Variants in IMMP2L observed in about 807,000 individuals in gnomAD.
IMMP2L encodes the protein mitochondrial inner membrane protease subunit 2.
IMMP2L carries 18 observed loss-of-function variants against 19.3 expected under a neutral mutation model. The observed-to-expected ratio is 0.93, with a 90% confidence interval of 0.64 to 1.38. IMMP2L has a LOEUF of 1.38. Ranked by LOEUF, IMMP2L falls within the 40% of genes most tolerant of loss-of-function variation. The pLI, the probability that IMMP2L is intolerant of heterozygous loss-of-function variation, is 0.00. For synonymous variants in IMMP2L, 76 were observed against 73.0 expected, an observed-to-expected ratio of 1.04 and a Z score of -0.21; for missense variants, 233 against 218.2, an observed-to-expected ratio of 1.07 and a Z score of -0.43.
At chr7:111,067,957 A>G (rs1794650027) in intron 3 of IMMP2L, among the ~76,000 whole-genome samples, 1 of 152,226 alleles carries the variant, frequency 6.6e-6, no homozygotes, top group South Asian at 2.1e-4. Flanking sequence ...AAGATATAAA[A>G]TCCTTCAAAG....
intron 3 of IMMP2L, among the ~76,000 whole-genome samples, chr7:111,412,432 C>G (rs1472693592): frequency 6.6e-6 from 1 of 151,684 alleles, no homozygotes; most frequent in Non-Finnish European, 1.5e-5. Flanking sequence ...GGATTGAAAT[C>G]ACTCAAAGTA....
chr7:111,218,208 T>TAAACA (rs1812157304), intron 3 of IMMP2L, among the ~76,000 whole-genome samples: 4 of 152,052 alleles, frequency 2.6e-5, no homozygotes, highest in Non-Finnish European at 5.9e-5. Context: ...ATCTGCTCTG[T>TAAACA]TCTGAAGTTT....
chr7:110,808,526 T>G (rs925349100), intron 5 of IMMP2L, among the ~76,000 whole-genome samples: 3 of 152,050 alleles, frequency 2.0e-5, no homozygotes, highest in Non-Finnish European at 4.4e-5. Context: ...TGGCACAAGA[T>G]CCAAGCAACT....
At chr7:111,087,087 T>C (rs1230760946) in intron 3 of IMMP2L, among the ~76,000 whole-genome samples, 1 of 152,076 alleles carries the variant, frequency 6.6e-6, no homozygotes, top group Non-Finnish European at 1.5e-5. Flanking sequence ...TATTTAATAG[T>C]TTTGGGACAT....
intron 3 of IMMP2L, among the ~76,000 whole-genome samples, chr7:111,423,048 T>C (rs1835734157): frequency 2.0e-5 from 3 of 151,870 alleles, no homozygotes; most frequent in Admixed American, 1.3e-4. Context: ...TGAACCAGCC[T>C]TGCATCCCAG....
chr7:111,030,888 A>C (rs58652038), intron 3 of IMMP2L, among the ~76,000 whole-genome samples: 1 of 1,852 alleles, frequency 5.4e-4, no homozygotes, highest in African/African-American at 2.3e-3. Context: ...GTGTGTGTAT[A>C]TATATATATA....
chr7:111,091,618 G>C (rs960151005), intron 3 of IMMP2L: 2 of 152,126 alleles, frequency 1.3e-5, no homozygotes, highest in Non-Finnish European at 2.9e-5. Context: ...TGAATTCTAA[G>C]AGCATTTTTC....
rs144599889 is a variant in IMMP2L at position 110,796,113 on chromosome 7, T to G, written c.408+90480A>C. ...CTCATTTCTTCCTGCTGCCACCATGTGAAGAAGGATGTGTTTGTTTCTCCT... is the reference window on the plus strand; with the variant it reads ...CTCATTTCTTCCTGCTGCCACCATGGGAAGAAGGATGTGTTTGTTTCTCCT... On this transcript the variant is annotated intron_variant, in intron 5 of 5. Transcript: ENST00000405709. Among the ~76,000 whole-genome samples the G allele has an allele frequency of 8.6e-3, 1,312 of 152,200 alleles. 9 individuals carry two copies. The highest frequency in any genetic ancestry group is 0.014 in the Non-Finnish European group (931 of 67,994).
intron 3 of IMMP2L, among the ~76,000 whole-genome samples, chr7:111,268,849 C>A (rs1435113861): frequency 6.6e-6 from 1 of 151,988 alleles, no homozygotes; most frequent in African/African-American, 2.4e-5. Context: ...ATCCTCCTAT[C>A]TCAGCCTTCC....
At chr7:111,376,484 C>A (rs1830686629) in intron 3 of IMMP2L, among the ~76,000 whole-genome samples, 1 of 152,124 alleles carries the variant, frequency 6.6e-6, no homozygotes, top group Non-Finnish European at 1.5e-5. Context: ...CTTCCGAAAA[C>A]AGTTTGGCAT....
chr7:111,523,809 T>C (rs1846581451), intron 1 of IMMP2L, among the ~76,000 whole-genome samples: 1 of 152,122 alleles, frequency 6.6e-6, no homozygotes, highest in East Asian at 1.9e-4. Flanking sequence ...TACTGATTGT[T>C]TCTGCGAGCA....
intron 3 of IMMP2L, among the ~76,000 whole-genome samples, chr7:111,255,426 C>G (rs1816595851): frequency 6.6e-6 from 1 of 151,992 alleles, no homozygotes; most frequent in African/African-American, 2.4e-5. Flanking sequence ...TTTACAAAAA[C>G]ATGCTCCACT....
intron 3 of IMMP2L, among the ~76,000 whole-genome samples, chr7:111,444,244 G>C (rs1188192244): frequency 1.3e-5 from 2 of 152,016 alleles, no homozygotes; most frequent in South Asian, 2.1e-4. Flanking sequence ...TATATTTATG[G>C]TCTAGCTCAG....
chr7:111,037,651 A>G (rs1038508099), intron 3 of IMMP2L, among the ~76,000 whole-genome samples: 1 of 152,172 alleles, frequency 6.6e-6, no homozygotes, highest in African/African-American at 2.4e-5. Flanking sequence ...CTTTGCTTCA[A>G]AGAAGGTAGT....
At chr7:111,258,004 T>C (rs1237579687) in intron 3 of IMMP2L, among the ~76,000 whole-genome samples, 1 of 151,748 alleles carries the variant, frequency 6.6e-6, no homozygotes, top group Non-Finnish European at 1.5e-5. Flanking sequence ...ATTGTTCAAC[T>C]CCACTTATGA....
intron 3 of IMMP2L, among the ~76,000 whole-genome samples, chr7:111,117,227 C>A (rs908016025): frequency 2.0e-5 from 3 of 152,044 alleles, no homozygotes; most frequent in Non-Finnish European, 2.9e-5. Context: ...TGAGTTTACA[C>A]ACATTCAATT....
At chr7:110,873,370 G>A (rs928344608) in intron 5 of IMMP2L, among the ~76,000 whole-genome samples, 4 of 130,354 alleles carry the variant, frequency 3.1e-5, no homozygotes, top group African/African-American at 1.1e-4. Flanking sequence ...ACAGGTTTCA[G>A]TGAGCCAAGA....
chr7:111,035,429 C>A (rs1791240595), intron 3 of IMMP2L, among the ~76,000 whole-genome samples: 2 of 152,140 alleles, frequency 1.3e-5, no homozygotes, highest in African/African-American at 4.8e-5. Context: ...AGTACAGATG[C>A]TTTCAGAGAT....
intron 3 of IMMP2L, among the ~76,000 whole-genome samples, chr7:111,105,499 A>T (rs1798443336): frequency 6.6e-6 from 1 of 151,922 alleles, no homozygotes; most frequent in Non-Finnish European, 1.5e-5. Flanking sequence ...GACAATTTAC[A>T]TCTGGTTTGC....
Sources: allele counts gnomAD v4.1 joint callset (sites outside exome capture counted in the v4.1 genomes callset), GRCh38; gene constraint gnomAD v4.1.1; transcripts MANE v1.5; gene names NCBI Gene and HGNC (gene_info 2026-07-23, HGNC 2026-07-21).